The following ADARB2 variants were observed in gnomAD, a reference collection of about 807,000 sequenced individuals.
The protein encoded by ADARB2 is inactive double-stranded RNA-specific editase B2.
Under a neutral mutation model 62.2 loss-of-function variants are expected in ADARB2, and 25 were observed. The observed-to-expected ratio is 0.40, with a 90% CI of 0.29 to 0.56. The LOEUF (loss-of-function observed/expected upper bound fraction) is 0.56. Ranked by LOEUF, ADARB2 falls within the 20% of genes least tolerant of loss-of-function variation. The pLI is 0.43. For synonymous variants in ADARB2, 572 were observed against 500.8 expected (o/e 1.14, Z -1.90); for missense variants, 1,071 against 1,077.4 (o/e 0.99, Z 0.08).
At chr10:1,566,707 A>G (rs1832865371) in intron 1 of ADARB2, among the ~76,000 whole-genome samples, 1 of 152,022 alleles carries the variant, frequency 6.6e-6, no homozygotes, top group Admixed American at 6.5e-5. Flanking sequence ...CTGGAGGCTG[A>G]ATTATACACT....
chr10:1,702,486 A>G (rs570797478), intron 1 of ADARB2, among the ~76,000 whole-genome samples: 2 of 152,302 alleles, frequency 1.3e-5, no homozygotes, highest in South Asian at 4.2e-4. Context: ...CAGGTAGGGA[A>G]TCCCGAAAAT....
At chr10:1,189,895 C>T (rs932626210) in intron 8 of ADARB2, among the ~76,000 whole-genome samples, 19 of 145,096 alleles carry the variant, frequency 1.3e-4, no homozygotes, top group African/African-American at 4.9e-4. Context: ...CGTGGCGCTA[C>T]CTCCTTCCCC....
intron 1 of ADARB2, among the ~76,000 whole-genome samples, chr10:1,494,731 C>T (rs1033577355): frequency 1.4e-4 from 21 of 152,020 alleles, no homozygotes; most frequent in Non-Finnish European, 2.9e-4. Context: ...TCTCTGACTC[C>T]GAAATACAAA....
intron 6 of ADARB2, among the ~76,000 whole-genome samples, chr10:1,227,063 C>G (rs956438958): frequency 6.6e-6 from 1 of 152,244 alleles, no homozygotes; most frequent in African/African-American, 2.4e-5. Context: ...GTTTGAGCTT[C>G]CAGGCTGCTT....
chr10:1,456,900 T>C (rs111959213), intron 1 of ADARB2, among the ~76,000 whole-genome samples: 11 of 152,136 alleles, frequency 7.2e-5, no homozygotes, highest in African/African-American at 2.7e-4. Flanking sequence ...GTTCAAGCGA[T>C]TCTCCTGCCT....
intron 1 of ADARB2, among the ~76,000 whole-genome samples, chr10:1,457,760 G>C (rs543296969): frequency 6.6e-6 from 1 of 152,236 alleles, no homozygotes; most frequent in Admixed American, 6.5e-5. Context: ...TTTCAGGATA[G>C]ATATCCCCCT....
intron 4 of ADARB2, among the ~76,000 whole-genome samples, chr10:1,250,499 T>C (rs571409493): frequency 6.6e-6 from 1 of 152,242 alleles, no homozygotes; most frequent in Admixed American, 6.5e-5. Flanking sequence ...GGAAATGCAT[T>C]AGTTCCCATG....
At chr10:1,185,412 C>T (rs943881428) in intron 8 of ADARB2, among the ~76,000 whole-genome samples, 6 of 152,218 alleles carry the variant, frequency 3.9e-5, no homozygotes, top group Admixed American at 1.3e-4. Flanking sequence ...TTGCAGGCCC[C>T]GCTCTGCTGG....
At chr10:1,579,344 C>T (rs1367200714) in intron 1 of ADARB2, among the ~76,000 whole-genome samples, 1 of 152,152 alleles carries the variant, frequency 6.6e-6, no homozygotes, top group Non-Finnish European at 1.5e-5. Context: ...ATGTGTGCCG[C>T]TGAATCATGT....
intron 1 of ADARB2, among the ~76,000 whole-genome samples, chr10:1,664,571 T>C (rs1834290689): frequency 6.6e-6 from 1 of 152,226 alleles, no homozygotes; most frequent in Non-Finnish European, 1.5e-5. Flanking sequence ...GTAAGAAGAA[T>C]TGCTGTTTAC....
At chr10:1,362,516 C>G (rs1423658080) in intron 3 of ADARB2, among the ~76,000 whole-genome samples, 1 of 152,214 alleles carries the variant, frequency 6.6e-6, no homozygotes, top group Non-Finnish European at 1.5e-5. Flanking sequence ...CGGAGGGGTC[C>G]TGCCGGGCAG....
chr10:1,325,492 T>A (rs113101816), intron 3 of ADARB2, among the ~76,000 whole-genome samples: 1 of 152,222 alleles, frequency 6.6e-6, no homozygotes, highest in African/African-American at 2.4e-5. Context: ...CACTCCCGCA[T>A]GTAACTCACT....
intron 3 of ADARB2, among the ~76,000 whole-genome samples, chr10:1,358,128 C>T (rs183390730): frequency 1.2e-4 from 19 of 152,316 alleles, no homozygotes; most frequent in African/African-American, 4.6e-4. Context: ...AAAGAAGTGG[C>T]TTCATCTTGA....
intron 1 of ADARB2, among the ~76,000 whole-genome samples, chr10:1,697,947 T>C (rs1234936884): frequency 1.3e-5 from 2 of 152,202 alleles, no homozygotes; most frequent in East Asian, 1.9e-4. Flanking sequence ...TGAGGAGCGG[T>C]TGGGAATGGA....
chr10:1,439,598 G>T (rs1411147171), intron 1 of ADARB2, among the ~76,000 whole-genome samples: 1 of 76,406 alleles, frequency 1.3e-5, no homozygotes, highest in African/African-American at 3.6e-5. Context: ...CTCCCAGGAT[G>T]GAGGCAGGCC....
Position 1,244,216 on chromosome 10 carries a change from T to C in ADARB2, c.1193-1917A>G, listed in dbSNP as rs138755737. 6.2e-3 allele frequency among the ~76,000 whole-genome samples: 943 copies of C among 152,362 alleles called. 10 individuals are homozygous for C. Among genetic ancestry groups the C allele is most frequent in the African/African-American group, 0.021 (878 of 41,586 alleles). ...CATCTCACTCAGGCCGTCAGTGACA[T>C]GTGGACTGTTGAGAAATGGTTCACA... On this transcript the variant is annotated intron_variant, in intron 4 of 9. Coordinates refer to ENST00000381312, the MANE Select transcript of ADARB2 (RefSeq NM_018702.4).
At chr10:1,219,878 G>T (rs1830668289) in intron 6 of ADARB2, among the ~76,000 whole-genome samples, 1 of 150,990 alleles carries the variant, frequency 6.6e-6, no homozygotes, top group African/African-American at 2.4e-5. Flanking sequence ...TGGTGGTGGT[G>T]ATGATGGTGA....
At chr10:1,650,867 G>T (rs552602702) in intron 1 of ADARB2, among the ~76,000 whole-genome samples, 1 of 152,186 alleles carries the variant, frequency 6.6e-6, no homozygotes, top group Admixed American at 6.5e-5. Context: ...GATGTAGCAC[G>T]GTCACCAAAA....
At chr10:1,570,180 G>A (rs542371976) in intron 1 of ADARB2, among the ~76,000 whole-genome samples, 41 of 152,178 alleles carry the variant, frequency 2.7e-4, no homozygotes, top group Non-Finnish European at 3.8e-4. Context: ...CGATTTGTGC[G>A]GTTTTATTTT....
Sources: gnomAD v4.1 joint callset for allele counts (sites outside exome capture counted in the v4.1 genomes callset) on GRCh38, gnomAD v4.1.1 for gene constraint, MANE v1.5 for transcripts, NCBI Gene and HGNC (gene_info 2026-07-23, HGNC 2026-07-21) for gene names.